Variants in SRCAP observed in about 807,000 individuals in gnomAD.
SRCAP encodes the protein chromatin remodeling protein SRCAP.
SRCAP carries 46 observed loss-of-function variants against 263.1 expected under a neutral mutation model. That is an observed-to-expected ratio of 0.17 (90% CI 0.14 to 0.22). The LOEUF is 0.22. SRCAP is among the 10% of genes least tolerant of loss of function. The pLI is 1.00. For synonymous variants in SRCAP, 1,813 were observed against 1,662.1 expected, an observed-to-expected ratio of 1.09 and a Z score of -2.21; for missense variants, 3,695 against 4,181.9, an observed-to-expected ratio of 0.88 and a Z score of 3.21.
rs1393043966 is a variant in SRCAP at position 30,708,250 on chromosome 16, C to T, written c.633+538C>T. ...CTTGGACAGAGTCTTGCTGTGTCTCCTAGGCTGGAGTGCAGTGGTACGATC... is the reference window on the plus strand; with the variant it reads ...CTTGGACAGAGTCTTGCTGTGTCTCTTAGGCTGGAGTGCAGTGGTACGATC... On this transcript the variant is annotated intron_variant, in intron 6 of 33. Coordinates refer to ENST00000262518, the MANE Select transcript of SRCAP (RefSeq NM_006662.3). 2.0e-5 allele frequency among the ~76,000 whole-genome samples: 3 copies of T among 152,156 alleles called. No individual in the cohort carries two copies. The East Asian group carries it at 5.8e-4, about 29-fold the overall frequency.
chr16:30,700,502 C>T, intron 2 of SRCAP, 114 bp from the exon 3 acceptor site: 1 of 248,112 alleles, frequency 4.0e-6, no homozygotes. Context: ...AGAAATGTAA[C>T]CTGTAATTTC....
rs752865928 is a variant in SRCAP, at chr16:30,724,883, C to T, written c.5459C>T (p.Ala1820Val). Residue 1820 changes from alanine (A) to valine (V), a missense_variant, in exon 25 of 34, where the codon GCA (alanine) becomes GTA (valine). Transcript: ENST00000262518. ...TCCACACAGTCCCCAGCTTCCCAGG[C>T]ATCTTCCCTTGTGGTTTCGGCATCT... ...PASTQSPASQ[A>V]SSLVVSASGA... 1 of 1,614,246 alleles carries T rather than the reference C, an allele frequency of 6.2e-7. No homozygotes were observed. Among genetic ancestry groups the T allele is most frequent in the Non-Finnish European group, 8.5e-7 (1 of 1,180,036 alleles).
intron 2 of SRCAP, among the ~76,000 whole-genome samples, 169 bp downstream of exon 2, chr16:30,700,150 G>C (rs777899745): frequency 2.6e-5 from 4 of 152,244 alleles, no homozygotes; most frequent in Non-Finnish European, 5.9e-5. Flanking sequence ...AACTGAGGCT[G>C]TGGGTTGAGG....
rs767022752 is a variant in SRCAP at position 30,721,372 on chromosome 16, C to T, written c.3437C>T (p.Thr1146Ile). Residue 1146 changes from threonine (T) to isoleucine (I), a missense_variant, in exon 21 of 34, where the codon ACC (threonine) becomes ATC (isoleucine). Transcript: ENST00000262518. ...GYTFPPAAAT[T>I]TSTTTATATT... is the part of the protein sequence containing the mutation. ...ACCTTCCCTCCTGCTGCTGCCACCA[C>T]CACTTCTACCACCACGGCAACTGCT... is the stretch of plus-strand genomic sequence containing the variant. 2 of 1,614,094 alleles carry T rather than the reference C, an allele frequency of 1.2e-6. No individual in the cohort carries two copies. Among genetic ancestry groups the T allele is most frequent in the Non-Finnish European group, 8.5e-7 (1 of 1,180,046 alleles).
chr16:30,737,175 C>T lies in SRCAP; in HGVS notation c.7135C>T (p.His2379Tyr), dbSNP rs2053168939. Residue 2379 changes from histidine to tyrosine, a missense_variant, in exon 34 of 34, where the codon CAC becomes TAC. By Grantham distance (83) the His-to-Tyr change is moderately conservative. Coordinates refer to ENST00000262518, the MANE Select transcript of SRCAP (RefSeq NM_006662.3). ...TTCCTGTGGGACTGGTGGAGGCACC[C>T]ACCGGCGCAGTAAAAAGGCCAAAGC... ...ESSCGTGGGT[H>Y]RRSKKAKAPE... 1.9e-6 allele frequency: 3 copies of T among 1,614,040 alleles called. No individual in the cohort carries two copies. Among genetic ancestry groups the T allele is most frequent in the Non-Finnish European group, 2.5e-6 (3 of 1,180,008 alleles).
intron 18 of SRCAP, among the ~76,000 whole-genome samples, chr16:30,718,612 C>T (rs1306048692): frequency 1.3e-5 from 2 of 151,914 alleles, no homozygotes; most frequent in African/African-American, 2.4e-5. Context: ...ACTGGGACTA[C>T]AGGTGTGTGC....
In SRCAP at chr16:30,729,583, T is replaced by A. The variant is rs1255808316; in HGVS notation, c.6127+11T>A. 1.2e-6 allele frequency: 2 copies of A among 1,614,066 alleles called. No homozygotes were observed. The highest frequency in any genetic ancestry group is 1.7e-5 in the Admixed American group (1 of 59,994). On this transcript the variant is annotated intron_variant, in intron 27 of 33. Transcript: ENST00000262518. ...TCCAGTATGATTGCGGTGAGTTTGT[T>A]GGCCAGTGTAGGACCCTTGACTTCT... is the stretch of plus-strand genomic sequence containing the variant.
chr16:30,709,369 T>C (rs2052863709), intron 6 of SRCAP, 144 bp from the exon 7 acceptor site: 2 of 774,952 alleles, frequency 2.6e-6, no homozygotes, highest in South Asian at 3.5e-5. Context: ...CTTTAGACCA[T>C]AGTGAGCCCC....
In SRCAP at chr16:30,723,777, C is replaced by T. The variant is rs1479364982; in HGVS notation, c.4353C>T (p.Ala1451=). ...TCCCCACCACACTTCCTGCCCCAGC[C>T]TCGGCTCCACTCACCATCCCCATCT... ...ISVPTTLPAP[A]SAPLTIPISA... Residue 1451 remains alanine (A), a synonymous_variant, in exon 25 of 34, where the codon GCC becomes GCT. Transcript: ENST00000262518. 1 of 1,613,974 alleles carries T rather than the reference C, an allele frequency of 6.2e-7. No individual in the cohort carries two copies. Among genetic ancestry groups the T allele is most frequent in the Non-Finnish European group, 8.5e-7 (1 of 1,180,020 alleles).
At chr16:30,712,603 G>A in intron 13 of SRCAP, 76 bp from the exon 14 acceptor site, 2 of 1,597,250 alleles carry the variant, frequency 1.3e-6, no homozygotes, top group Non-Finnish European at 1.7e-6. Flanking sequence ...GCCAAAGGGT[G>A]GCCAGGGTTA....
intron 4 of SRCAP, among the ~76,000 whole-genome samples, chr16:30,704,936 A>G (rs2052810253): frequency 1.3e-5 from 2 of 152,182 alleles, no homozygotes; most frequent in African/African-American, 4.8e-5. Flanking sequence ...TGCAGTCTGT[A>G]TTACATTTAT....
At position 30,722,497 on chromosome 16, in the gene SRCAP, C is replaced by G. The variant is rs987205778; in HGVS notation, c.3707-66C>G. ...TCTCTGTTCTTTTCTTCTCTTCTTG[C>G]CTTGCCTCTGCCCTCCTCAGGCTGA... On this transcript the variant is annotated intron_variant, in intron 22 of 33. Transcript: ENST00000262518. 18 of 1,579,554 alleles carry G rather than the reference C, an allele frequency of 1.1e-5. No individual in the cohort carries two copies. The African/African-American group carries it at 2.4e-4, about 21-fold the overall frequency.
In SRCAP at chr16:30,707,681, A is replaced by G; in HGVS notation, c.602A>G (p.Asp201Gly). 1 of 1,614,188 alleles carries G rather than the reference A, an allele frequency of 6.2e-7. No individual in the cohort carries two copies. The highest frequency in any genetic ancestry group is 8.5e-7 in the Non-Finnish European group (1 of 1,180,046). ...LRRIASTMAK[D>G]VRQFWSNVEK... ...CGAATTGCTTCCACCATGGCCAAGGATGTCAGGCAGTTCTGGAGCAATGTG... is the reference window on the plus strand; with the variant it reads ...CGAATTGCTTCCACCATGGCCAAGGGTGTCAGGCAGTTCTGGAGCAATGTG... Residue 201 changes from aspartate (D) to glycine (G), a missense_variant, in exon 6 of 34, where the codon GAT becomes GGT. Around this residue, in one of 12 missense-constraint regions of SRCAP, gnomAD observed 107 missense variants for 223.8 expected, o/e 0.48. Coordinates refer to ENST00000262518, the MANE Select transcript of SRCAP (RefSeq NM_006662.3).
Position 30,710,994 on chromosome 16 carries a change from C to A in SRCAP, c.1229-5C>A, listed in dbSNP as rs559329856. ...CTATTAATCTTGCTTCTGTCTCTTT[C>A]CTAGCGGAGGATGAAGAGGATACTA... On this transcript the variant is annotated splice_region_variant and splice_polypyrimidine_tract_variant and intron_variant, in intron 9 of 33. Transcript: ENST00000262518. 6.2e-7 allele frequency: 1 copy of A among 1,613,530 alleles called. No individual in the cohort carries two copies.
At chr16:30,716,759 CAAGGGTATTA>C (rs2052955356) in intron 18 of SRCAP, among the ~76,000 whole-genome samples, 3 of 152,098 alleles carry the variant, frequency 2.0e-5, no homozygotes, top group Admixed American at 2.0e-4. Context: ...ATGGGCTTAT[CAAGGGTATTA>C]AAGGGTATTA....
intron 25 of SRCAP, among the ~76,000 whole-genome samples, chr16:30,727,593 ACCAGG>A (rs2053075670): frequency 1.3e-5 from 2 of 151,992 alleles, no homozygotes; most frequent in Admixed American, 6.6e-5. Context: ...TCACTCTGTC[ACCAGG>A]CTGCAGTGCA....
At position 30,738,097 on chromosome 16, in the gene SRCAP, G is replaced by T; in HGVS notation, c.8057G>T (p.Ser2686Ile). ...ELTEAKTPTS[S>I]PEKPQELVTA... is the part of the protein sequence containing the mutation. ...ACAGAGGCCAAGACCCCAACCTCCA[G>T]CCCAGAGAAGCCACAGGAACTCGTT... Residue 2686 changes from serine to isoleucine, a missense_variant, in exon 34 of 34, where the codon AGC becomes ATC. Coordinates refer to ENST00000262518, the MANE Select transcript of SRCAP (RefSeq NM_006662.3). 1.2e-6 allele frequency: 2 copies of T among 1,614,152 alleles called. No homozygotes were observed. Among genetic ancestry groups the T allele is most frequent in the Non-Finnish European group, 8.5e-7 (1 of 1,180,044 alleles).
chr16:30,713,096 C>T, intron 14 of SRCAP, 112 bp from the exon 15 acceptor site: 1 of 1,240,344 alleles, frequency 8.1e-7, no homozygotes, highest in Admixed American at 2.0e-5. Flanking sequence ...TTTGCTGGGA[C>T]TTTCTCTTTT....
At chr16:30,721,990 G>A in intron 21 of SRCAP, 132 bp from the exon 22 acceptor site, 1 of 1,143,338 alleles carries the variant, frequency 8.7e-7, no homozygotes, top group Non-Finnish European at 1.2e-6. Flanking sequence ...AGTTTATTGG[G>A]ACATGGTAAA....
Sources: gnomAD v4.1 joint callset for allele counts (sites outside exome capture counted in the v4.1 genomes callset) on GRCh38, gnomAD v4.1.1 for gene constraint, gnomAD v4.1.1 regional missense constraint, MANE v1.5 for transcripts, NCBI Gene and HGNC (gene_info 2026-07-23, HGNC 2026-07-21) for gene names.